MAP3K19: variants seen among roughly 807,000 people sequenced by gnomAD.
MAP3K19 encodes mitogen-activated protein kinase kinase kinase 19, also known as SPS1/STE20-related protein kinase YSK4.
Under a neutral mutation model 114.4 loss-of-function variants are expected in MAP3K19, and 91 were observed. The ratio of observed to expected loss-of-function variants is 0.80; its 90% CI spans 0.67 to 0.95. The LOEUF is 0.95. Among genes scored for constraint, MAP3K19 ranks in the 40% least tolerant of loss-of-function variants. The probability of loss-of-function intolerance (pLI) is 0.00; values close to 1 mark genes in which losing one functional copy is unlikely to be tolerated. For missense variants in MAP3K19, 1,471 were observed against 1,573.2 expected (o/e 0.94, Z 1.10); for synonymous variants, 518 against 530.5 (o/e 0.98, Z 0.32).
At chr2:134,988,727 A>AT (rs575517301) in intron 9 of MAP3K19, among the ~76,000 whole-genome samples, 5 of 151,918 alleles carry the variant, frequency 3.3e-5, no homozygotes, top group African/African-American at 7.3e-5. Context: ...CATTCCCAAT[A>AT]TTTTTTTTAG....
intron 11 of MAP3K19, among the ~76,000 whole-genome samples, chr2:134,982,555 G>T (rs1684781862): frequency 6.6e-6 from 1 of 151,670 alleles, no homozygotes; most frequent in Admixed American, 6.6e-5. Flanking sequence ...TTTACCATAT[G>T]GCCAGTCTAG....
At chr2:135,016,506 A>G (rs1450456139) in intron 5 of MAP3K19, among the ~76,000 whole-genome samples, 2 of 152,130 alleles carry the variant, frequency 1.3e-5, no homozygotes, top group African/African-American at 4.8e-5. Context: ...GCCTTTCTAT[A>G]TGAATTTAGA....
intron 12 of MAP3K19, among the ~76,000 whole-genome samples, chr2:134,975,506 G>A (rs955580636): frequency 6.6e-6 from 1 of 152,186 alleles, no homozygotes; most frequent in Non-Finnish European, 1.5e-5. Flanking sequence ...GTACACGCAG[G>A]GGTCAGCAGT....
At chr2:135,018,594 C>T (rs373895308) in intron 5 of MAP3K19, among the ~76,000 whole-genome samples, 8 of 152,232 alleles carry the variant, frequency 5.3e-5, no homozygotes, top group Admixed American at 5.2e-4. Flanking sequence ...ACTGTCTTGG[C>T]TTCCCAAAGT....
chr2:135,013,126 C>G (rs1344872568), intron 5 of MAP3K19, among the ~76,000 whole-genome samples: 1 of 151,956 alleles, frequency 6.6e-6, no homozygotes, highest in East Asian at 1.9e-4. Context: ...TTGAGACCAG[C>G]CTGGTCAACA....
At chr2:134,988,631 C>T in intron 9 of MAP3K19, among the ~76,000 whole-genome samples, 1 of 152,120 alleles carries the variant, frequency 6.6e-6, no homozygotes, top group Middle Eastern at 3.2e-3. Context: ...CTCAAGCAAT[C>T]CTCCCACTTC....
intron 5 of MAP3K19, among the ~76,000 whole-genome samples, chr2:135,010,359 T>A (rs1005373912): frequency 1.3e-5 from 2 of 152,152 alleles, no homozygotes; most frequent in African/African-American, 4.8e-5. Context: ...TCTAACTTAT[T>A]TTATAAATCT....
chr2:134,996,228 G>C (rs1195492264), intron 8 of MAP3K19, among the ~76,000 whole-genome samples: 1 of 151,798 alleles, frequency 6.6e-6, no homozygotes, highest in Non-Finnish European at 1.5e-5. Context: ...CAAAGTGCTG[G>C]GGTTACAGGC....
intron 9 of MAP3K19, among the ~76,000 whole-genome samples, chr2:134,991,106 C>T (rs888062118): frequency 1.3e-5 from 2 of 151,856 alleles, no homozygotes; most frequent in African/African-American, 4.8e-5. Context: ...TCGAGACCAT[C>T]CTGGCTAACA....
chr2:135,047,279 T>G lies in MAP3K19; in HGVS notation c.-518A>C, dbSNP rs1310027493. 1.3e-5 allele frequency: 2 copies of G among 152,234 alleles called. No homozygotes were observed. Among genetic ancestry groups the G allele is most frequent in the Non-Finnish European group, 2.9e-5 (2 of 68,038 alleles). The allele number at this position is 152,234 out of a possible 1,614,324, so 9.4% of individuals were successfully genotyped here. ...CATCCTAATTCATTGTGGCACTGAT[T>G]TCTGGGACAGCTGTAACCCACACTT... On this transcript the variant is annotated 5_prime_UTR_variant, in exon 1 of 13. Transcript: ENST00000392915.
At chr2:135,021,904 T>C in intron 4 of MAP3K19, 74 bp from the exon 5 acceptor site, 3 of 898,136 alleles carry the variant, frequency 3.3e-6, no homozygotes, top group Non-Finnish European at 5.0e-6. Context: ...TCTAGCTCTA[T>C]GTTCTAAAAT....
chr2:134,964,899 G>C lies in MAP3K19; in HGVS notation c.3938C>G (p.Pro1313Arg). 1.2e-6 allele frequency: 2 copies of C among 1,612,894 alleles called. No individual in the cohort carries two copies. Among genetic ancestry groups the C allele is most frequent in the Non-Finnish European group, 1.7e-6 (2 of 1,179,308 alleles). ...MCLTRDQHERPSALQLLKHSF... is the reference protein window; with the variant it reads ...MCLTRDQHERRSALQLLKHSF... ...GTGCTTCAGGAGCTGGAGAGCAGAA[G>C]GTCGCTCATGCTGGTCCCTAAGAAG... Residue 1313 changes from proline to arginine, a missense_variant, in exon 13 of 13, where the codon CCT becomes CGT. Physicochemically the swap from Pro to Arg is moderately radical, Grantham distance 103. Transcript: ENST00000392915.
intron 5 of MAP3K19, among the ~76,000 whole-genome samples, chr2:135,021,486 A>ATC (rs1031753079): frequency 6.6e-6 from 1 of 152,048 alleles, no homozygotes; most frequent in African/African-American, 2.4e-5. Context: ...ACACACACAC[A>ATC]CACACACACA....
chr2:134,982,313 G>A (rs1319299179), intron 11 of MAP3K19, among the ~76,000 whole-genome samples: 2 of 146,394 alleles, frequency 1.4e-5, no homozygotes, highest in Admixed American at 1.4e-4. Flanking sequence ...TGGAGACGAG[G>A]TCTCTCTATG....
In MAP3K19 at chr2:135,006,509, G is replaced by A. The variant is rs554543176; in HGVS notation, c.139-978C>T. 5.3e-5 allele frequency among the ~76,000 whole-genome samples: 8 copies of A among 152,178 alleles called. No homozygotes were observed. In the East Asian group the frequency reaches 7.7e-4, roughly 15 times the overall value. On this transcript the variant is annotated intron_variant, in intron 5 of 12. Coordinates refer to ENST00000392915, the MANE Select transcript of MAP3K19 (RefSeq NM_025052.5). ...TCTCTCCTTGTTCATTTTAATTGTCGTAGCAAATAATAAAAGTTGGCCAGG... is the reference window on the plus strand; with the variant it reads ...TCTCTCCTTGTTCATTTTAATTGTCATAGCAAATAATAAAAGTTGGCCAGG...
chr2:135,002,096 T>C (rs1451522229), intron 6 of MAP3K19, among the ~76,000 whole-genome samples: 1 of 152,192 alleles, frequency 6.6e-6, no homozygotes, highest in African/African-American at 2.4e-5. Flanking sequence ...GGGAAGAGGA[T>C]GCATTGTCAC....
intron 5 of MAP3K19, among the ~76,000 whole-genome samples, chr2:135,012,578 A>G (rs1687304522): frequency 6.6e-6 from 1 of 152,156 alleles, no homozygotes; most frequent in South Asian, 2.1e-4. Context: ...AAAAAAAATC[A>G]AATAATGGTA....
chr2:134,967,522 T>C (rs1009789706), intron 12 of MAP3K19, among the ~76,000 whole-genome samples: 5 of 152,274 alleles, frequency 3.3e-5, no homozygotes, highest in Admixed American at 6.5e-5. Context: ...TGAGACATGT[T>C]TGCAGCAATG....
chr2:135,025,688 C>T (rs770459273), intron 3 of MAP3K19, among the ~76,000 whole-genome samples: 1 of 152,140 alleles, frequency 6.6e-6, no homozygotes, highest in African/African-American at 2.4e-5. Flanking sequence ...GCCCAGCCCC[C>T]ACATGGCCTT....
Sources: gnomAD v4.1 joint callset for allele counts (sites outside exome capture counted in the v4.1 genomes callset) on GRCh38, gnomAD v4.1.1 for gene constraint, MANE v1.5 for transcripts, NCBI Gene and HGNC (gene_info 2026-07-23, HGNC 2026-07-21) for gene names.